CFAP95: variants seen among roughly 807,000 people sequenced by gnomAD.
CFAP95 encodes cilia and flagella associated protein 95, also known as cilia- and flagella-associated protein 95.
the CFAP95 span, among the ~76,000 whole-genome samples, chr9:69,879,006 C>G: frequency 6.6e-6 from 1 of 152,116 alleles, no homozygotes; most frequent in Non-Finnish European, 1.5e-5. Flanking sequence ...CGAGAACTCA[C>G]TCACTATTAT....
the CFAP95 span, among the ~76,000 whole-genome samples, chr9:69,896,978 C>T: frequency 2.0e-5 from 3 of 152,174 alleles, no homozygotes; most frequent in Non-Finnish European, 4.4e-5. Flanking sequence ...AGATACCCAT[C>T]CCCCATTGGT....
chr9:69,871,556 T>G, the CFAP95 span, among the ~76,000 whole-genome samples: 1 of 149,946 alleles, frequency 6.7e-6, no homozygotes, highest in East Asian at 2.0e-4. Flanking sequence ...GGGAGAAGGG[T>G]GCAGATTTTA....
At chr9:69,871,109 T>G in the CFAP95 span, among the ~76,000 whole-genome samples, 1 of 151,946 alleles carries the variant, frequency 6.6e-6, no homozygotes, top group Non-Finnish European at 1.5e-5. Context: ...TCCCAGCTAC[T>G]TGGGAGGCTG....
At chr9:69,837,191 A>G in the CFAP95 span, among the ~76,000 whole-genome samples, 1 of 152,174 alleles carries the variant, frequency 6.6e-6, no homozygotes. Flanking sequence ...CAATAAATAT[A>G]CGTGTGCATG....
At chr9:69,874,621 T>G in the CFAP95 span, among the ~76,000 whole-genome samples, 1 of 152,238 alleles carries the variant, frequency 6.6e-6, no homozygotes, top group African/African-American at 2.4e-5. Context: ...ATTCTCTTCC[T>G]GTTGGCTTTA....
At chr9:69,858,400 C>T in the CFAP95 span, among the ~76,000 whole-genome samples, 1 of 152,162 alleles carries the variant, frequency 6.6e-6, no homozygotes, top group Non-Finnish European at 1.5e-5. Context: ...GTTCTTTTCA[C>T]AGTCTATTCA....
At chr9:69,891,761 T>C in the CFAP95 span, among the ~76,000 whole-genome samples, 162 of 152,302 alleles carry the variant, frequency 1.1e-3, no homozygotes, top group African/African-American at 3.6e-3. Flanking sequence ...GCAGTTTGAA[T>C]CCTTACCTAT....
the CFAP95 span, among the ~76,000 whole-genome samples, chr9:69,860,817 T>C: frequency 1.3e-5 from 2 of 152,132 alleles, no homozygotes; most frequent in Admixed American, 6.5e-5. Context: ...GTCCGGATCA[T>C]CAATATCACT....
the CFAP95 span, among the ~76,000 whole-genome samples, chr9:69,825,520 G>A: frequency 2.0e-5 from 3 of 152,132 alleles, no homozygotes; most frequent in African/African-American, 7.2e-5. Flanking sequence ...TGAAGTGGTC[G>A]ATAGAGCCAT....
the CFAP95 span, among the ~76,000 whole-genome samples, chr9:69,843,532 TCC>T: frequency 2.0e-3 from 43 of 21,710 alleles, 5 homozygotes; most frequent in African/African-American, 7.1e-3. Context: ...CTCCTCCTCC[TCC>T]TCCTCCTCCT....
At chr9:69,849,159 G>C in the CFAP95 span, among the ~76,000 whole-genome samples, 1 of 152,136 alleles carries the variant, frequency 6.6e-6, no homozygotes, top group Non-Finnish European at 1.5e-5. Context: ...GTTATTAATA[G>C]TTTGTCACCT....
the CFAP95 span, among the ~76,000 whole-genome samples, chr9:69,869,742 T>TAAA: frequency 2.0e-5 from 3 of 149,938 alleles, no homozygotes; most frequent in East Asian, 2.0e-4. Context: ...TTCAAAATAA[T>TAAA]AAAAAAAAAC....
the CFAP95 span, among the ~76,000 whole-genome samples, chr9:69,842,963 C>T: frequency 6.6e-6 from 1 of 152,178 alleles, no homozygotes; most frequent in Admixed American, 6.5e-5. Flanking sequence ...AGTGCAGGGG[C>T]TGAGCCCTAG....
At chr9:69,899,496 T>G in the CFAP95 span, among the ~76,000 whole-genome samples, 2 of 152,226 alleles carry the variant, frequency 1.3e-5, no homozygotes, top group Admixed American at 1.3e-4. Flanking sequence ...AACGCTCACT[T>G]TCTCAGAGAT....
chr9:69,820,951 G>A, the CFAP95 span: 2 of 1,614,054 alleles, frequency 1.2e-6, no homozygotes, highest in Non-Finnish European at 1.7e-6. Flanking sequence ...TCGGACCACC[G>A]GACTTGGTGG....
chr9:69,843,504 CCCCTCCTCCT>C, the CFAP95 span, among the ~76,000 whole-genome samples: 10 of 7,312 alleles, frequency 1.4e-3, 1 homozygote, highest in African/African-American at 4.1e-3. Context: ...TCCTCCTCCC[CCCCTCCTCCT>C]CCTCCTCCTC....
the CFAP95 span, among the ~76,000 whole-genome samples, chr9:69,854,599 T>A: frequency 1.2e-4 from 19 of 152,370 alleles, no homozygotes; most frequent in African/African-American, 4.6e-4. Flanking sequence ...GTTCTTCATT[T>A]GCACCTCCAG....
chr9:69,892,591 C>T, the CFAP95 span, among the ~76,000 whole-genome samples: 3 of 152,162 alleles, frequency 2.0e-5, no homozygotes. Flanking sequence ...GGGTCACATC[C>T]TCAAGCCTGG....
the CFAP95 span, among the ~76,000 whole-genome samples, chr9:69,862,274 C>T: frequency 1.3e-5 from 2 of 152,102 alleles, no homozygotes; most frequent in Non-Finnish European, 2.9e-5. Context: ...TTGGTAAATG[C>T]ATTTGAAGAC....
Sources: allele counts gnomAD v4.1 joint callset (sites outside exome capture counted in the v4.1 genomes callset), GRCh38; gene constraint gnomAD v4.1.1; transcripts MANE v1.5; gene names NCBI Gene and HGNC (gene_info 2026-07-23, HGNC 2026-07-21).